The following RBM20 variants were observed in gnomAD, a reference collection of about 807,000 sequenced individuals.
RBM20 encodes the protein RNA-binding protein 20.
In RBM20, 51 loss-of-function variants were observed where a neutral mutation model predicts 110.1. The ratio of observed to expected loss-of-function variants is 0.46; its 90% CI spans 0.37 to 0.59. RBM20 has a LOEUF of 0.59. Ranked by LOEUF, RBM20 falls within the 20% of genes least tolerant of loss-of-function variation. The pLI, the probability that RBM20 is intolerant of heterozygous loss-of-function variation, is 0.00. For synonymous variants in RBM20, 589 were observed against 618.2 expected (o/e 0.95, Z 0.70); for missense variants, 1,512 against 1,574.9 (o/e 0.96, Z 0.68).
At chr10:110,804,551 A>G (rs1249606368) in intron 7 of RBM20, among the ~76,000 whole-genome samples, 2 of 152,226 alleles carry the variant, frequency 1.3e-5, no homozygotes, top group Non-Finnish European at 2.9e-5. Context: ...TCATGCACAT[A>G]TCTTATCTCC....
At position 110,797,555 on chromosome 10, in the gene RBM20, C is replaced by T; in HGVS notation, c.1575C>T (p.Leu525=). ...GCCGTGTGGTGCACATCTGCAATCTCCCTGAAGGAAGCTGCACTGAGAATG... is the reference window on the plus strand; with the variant it reads ...GCCGTGTGGTGCACATCTGCAATCTTCCTGAAGGAAGCTGCACTGAGAATG... ...GAGRVVHICN[L]PEGSCTENDV... is the part of the protein sequence containing the mutation. The change falls in exon 6 of 14, where the codon CTC becomes CTT. Residue 525 remains leucine (L), a synonymous_variant. Transcript: ENST00000369519. 1 of 1,551,654 alleles carries T rather than the reference C, an allele frequency of 6.4e-7. No homozygotes were observed. Among genetic ancestry groups the T allele is most frequent in the South Asian group, 1.2e-5 (1 of 84,048 alleles).
chr10:110,830,219 G>T (rs770599573), intron 12 of RBM20, among the ~76,000 whole-genome samples: 1 of 152,208 alleles, frequency 6.6e-6, no homozygotes, highest in Non-Finnish European at 1.5e-5. Flanking sequence ...ACTGTGACCT[G>T]CAAAACACCT....
intron 1 of RBM20, among the ~76,000 whole-genome samples, chr10:110,703,228 A>T (rs1283504187): frequency 6.6e-6 from 1 of 151,780 alleles, no homozygotes; most frequent in Non-Finnish European, 1.5e-5. Flanking sequence ...AATACAAAAA[A>T]TGAGCCAGGC....
At chr10:110,719,318 C>T (rs1445956249) in intron 1 of RBM20, among the ~76,000 whole-genome samples, 1 of 152,254 alleles carries the variant, frequency 6.6e-6, no homozygotes, top group African/African-American at 2.4e-5. Flanking sequence ...TGAACACTGG[C>T]AGAGTGGGCA....
At chr10:110,744,375 G>A (rs1342746699) in intron 1 of RBM20, among the ~76,000 whole-genome samples, 3 of 152,164 alleles carry the variant, frequency 2.0e-5, no homozygotes, top group South Asian at 2.1e-4. Flanking sequence ...CACCAGCACC[G>A]GGCTGATGCT....
intron 1 of RBM20, among the ~76,000 whole-genome samples, chr10:110,749,052 A>G (rs1843820494): frequency 6.6e-6 from 1 of 152,268 alleles, no homozygotes; most frequent in Non-Finnish European, 1.5e-5. Context: ...CCTATGACCA[A>G]CATCATGCTT....
At chr10:110,683,753 A>G (rs970879333) in intron 1 of RBM20, among the ~76,000 whole-genome samples, 1 of 152,230 alleles carries the variant, frequency 6.6e-6, no homozygotes, top group Non-Finnish European at 1.5e-5. Flanking sequence ...GAATATGTTG[A>G]GTCAGTTTTT....
rs1216432261 is a variant in RBM20, at chr10:110,703,238, C to G, written c.191+58593C>G. 3.3e-5 allele frequency among the ~76,000 whole-genome samples: 5 copies of G among 151,690 alleles called. No homozygotes were observed. The South Asian group carries it at 1.0e-3, about 32-fold the overall frequency. ...CTAAAAATACAAAAAATGAGCCAGG[C>G]ATGGTGGCAGGCACCTGTAATTCCA... On this transcript the variant is annotated intron_variant, in intron 1 of 13. Coordinates refer to ENST00000369519, the MANE Select transcript of RBM20 (RefSeq NM_001134363.3).
intron 1 of RBM20, among the ~76,000 whole-genome samples, chr10:110,704,265 TG>T (rs1475150058): frequency 6.6e-6 from 1 of 152,376 alleles, no homozygotes; most frequent in Non-Finnish European, 1.5e-5. Context: ...AGGGTATATA[TG>T]TACCACAGTT....
chr10:110,741,432 C>T (rs1843724340), intron 1 of RBM20, among the ~76,000 whole-genome samples: 1 of 152,154 alleles, frequency 6.6e-6, no homozygotes, highest in African/African-American at 2.4e-5. Flanking sequence ...CTTCATGTGT[C>T]CGAAGTTGAA....
chr10:110,787,219 C>T (rs949972364), intron 5 of RBM20, among the ~76,000 whole-genome samples: 2 of 152,202 alleles, frequency 1.3e-5, no homozygotes, highest in African/African-American at 2.4e-5. Context: ...GATTATTCCT[C>T]GAATCTCAGA....
intron 1 of RBM20, among the ~76,000 whole-genome samples, chr10:110,670,628 C>A (rs1437470725): frequency 6.6e-6 from 1 of 152,206 alleles, no homozygotes; most frequent in Non-Finnish European, 1.5e-5. Flanking sequence ...CCTTCCCTGG[C>A]AAGAGGGAGC....
intron 1 of RBM20, among the ~76,000 whole-genome samples, chr10:110,728,277 A>G: frequency 6.6e-6 from 1 of 152,092 alleles, no homozygotes; most frequent in East Asian, 1.9e-4. Flanking sequence ...CTCTCTGGAG[A>G]TTGAGTTGAT....
intron 1 of RBM20, among the ~76,000 whole-genome samples, chr10:110,765,303 A>C (rs1844064974): frequency 6.6e-6 from 1 of 151,756 alleles, no homozygotes. Flanking sequence ...AATGAACTTA[A>C]AGGTGTTTGA....
chr10:110,823,351 A>G, intron 11 of RBM20, 129 bp from the exon 12 acceptor site: 1 of 1,223,422 alleles, frequency 8.2e-7, no homozygotes, highest in Non-Finnish European at 1.1e-6. Context: ...GCCTTATGTG[A>G]TTAAGCAGTC....
At chr10:110,644,302 A>C, upstream of RBM20, 1 of 505,498 alleles carries the variant, frequency 2.0e-6, no homozygotes, top group Non-Finnish European at 3.2e-6. The surrounding 1 kb of genome is among the most constrained non-coding windows in gnomAD (Gnocchi z 4.3). Context: ...CGCCGCCAGG[A>C]CTGCCTCCTC....
At chr10:110,823,789 C>T (rs1275928100) in intron 12 of RBM20, among the ~76,000 whole-genome samples, 175 bp downstream of exon 12, 3 of 152,170 alleles carry the variant, frequency 2.0e-5, no homozygotes, top group African/African-American at 7.2e-5. Flanking sequence ...ATGATCTCAG[C>T]TCACTGCAGC....
intron 1 of RBM20, among the ~76,000 whole-genome samples, chr10:110,678,826 A>G (rs1436660862): frequency 6.6e-6 from 1 of 152,208 alleles, no homozygotes; most frequent in African/African-American, 2.4e-5. Context: ...CAGTAGAGGG[A>G]GCACTGGTCC....
At chr10:110,785,360 G>A (rs1028275764) in intron 5 of RBM20, among the ~76,000 whole-genome samples, 1 of 152,106 alleles carries the variant, frequency 6.6e-6, no homozygotes, top group Non-Finnish European at 1.5e-5. Context: ...AGTGAGGTGA[G>A]CATGTGACTC....
Sources: gnomAD v4.1 joint callset for allele counts (sites outside exome capture counted in the v4.1 genomes callset) on GRCh38, gnomAD v4.1.1 for gene constraint, Gnocchi (gnomAD v3.1) non-coding constraint, MANE v1.5 for transcripts, NCBI Gene and HGNC (gene_info 2026-07-23, HGNC 2026-07-21) for gene names.